GNS: variants seen among roughly 807,000 people sequenced by gnomAD.
GNS encodes glucosamine (N-acetyl)-6-sulfatase.
GNS carries 40 observed loss-of-function variants against 69.7 expected under a neutral mutation model. The ratio of observed to expected loss-of-function variants is 0.57; its 90% CI spans 0.45 to 0.75. GNS has a LOEUF of 0.75. GNS is among the 30% of genes least tolerant of loss of function. The pLI, the probability that GNS is intolerant of heterozygous loss-of-function variation, is 0.00. For synonymous variants in GNS, 243 were observed against 251.6 expected, an observed-to-expected ratio of 0.97 and a Z score of 0.32; for missense variants, 565 against 685.5, an observed-to-expected ratio of 0.82 and a Z score of 1.96.
intron 10 of GNS, among the ~76,000 whole-genome samples, chr12:64,727,457 C>A (rs1391955361): frequency 1.3e-5 from 2 of 151,878 alleles, no homozygotes; most frequent in Non-Finnish European, 2.9e-5. Context: ...AAAACCATTA[C>A]AACTGCATTA....
chr12:64,739,563 C>T, intron 7 of GNS, 64 bp from the exon 8 acceptor site: 2 of 378,992 alleles, frequency 5.3e-6, no homozygotes, highest in East Asian at 4.2e-5. Context: ...CACTATCTTG[C>T]CAAAAAAAAA....
At chr12:64,724,903 A>G (rs778515500) in intron 10 of GNS, among the ~76,000 whole-genome samples, 71 of 152,272 alleles carry the variant, frequency 4.7e-4, no homozygotes, top group South Asian at 1.5e-3. Context: ...GCCAAACCTG[A>G]GCCATGGAAG....
rs370135858 is a variant in GNS at position 64,743,330 on chromosome 12, C to T, written c.625-22G>A. On this transcript the variant is annotated intron_variant, in intron 5 of 13. Coordinates refer to ENST00000258145, the MANE Select transcript of GNS (RefSeq NM_002076.4). ...TAGCCTGACACATAAAAAGATTTGT[C>T]ATCTCCTACCTTACCCAACAGATGA... The T allele has an allele frequency of 2.8e-4, 433 of 1,566,588 alleles. No individual in the cohort carries two copies. The highest frequency in any genetic ancestry group is 3.7e-4 in the Non-Finnish European group (423 of 1,137,266).
At chr12:64,751,958 A>G (rs1870092143) in intron 2 of GNS, among the ~76,000 whole-genome samples, 1 of 151,832 alleles carries the variant, frequency 6.6e-6, no homozygotes, top group Admixed American at 6.6e-5. Flanking sequence ...ACTCAAAAAA[A>G]AAAAAAAAAA....
intron 8 of GNS, among the ~76,000 whole-genome samples, chr12:64,737,318 G>C (rs1399160643): frequency 6.6e-6 from 1 of 152,182 alleles, no homozygotes; most frequent in East Asian, 1.9e-4. Flanking sequence ...GACTAGAAGG[G>C]ACTCCCTGGC....
At position 64,743,208 on chromosome 12, in the gene GNS, G is replaced by A; in HGVS notation, c.725C>T (p.Pro242Leu). The A allele has an allele frequency of 1.9e-6, 3 of 1,612,914 alleles. No individual in the cohort carries two copies. The highest frequency in any genetic ancestry group is 2.5e-6 in the Non-Finnish European group (3 of 1,178,922). ...PAPHSPWTAA[P>L]QYQKAFQNVF... The stretch of plus-strand genomic sequence containing the variant: ...ATTCTGGAAAGCCTTCTGGTACTGA[G>A]GTGCAGCTGTCCAAGGCGAATGAGG... Residue 242 changes from proline (P) to leucine (L), a missense_variant, in exon 6 of 14, where the codon CCT becomes CTT. By Grantham distance (98) the Pro-to-Leu change is moderately conservative. Coordinates refer to ENST00000258145, the MANE Select transcript of GNS (RefSeq NM_002076.4).
intron 1 of GNS, among the ~76,000 whole-genome samples, chr12:64,753,385 C>G (rs1870142662): frequency 6.6e-6 from 1 of 152,186 alleles, no homozygotes; most frequent in Non-Finnish European, 1.5e-5. Flanking sequence ...TGTTCAAAAT[C>G]TAAGATCCTT....
intron 12 of GNS, 112 bp downstream of exon 12, chr12:64,721,483 A>G: frequency 2.7e-6 from 2 of 744,060 alleles, no homozygotes; most frequent in Admixed American, 3.7e-5. Context: ...GATAAGAAAC[A>G]CAACCTCTTC....
chr12:64,721,261 C>T (rs950230939), intron 12 of GNS, among the ~76,000 whole-genome samples: 1 of 152,236 alleles, frequency 6.6e-6, no homozygotes, highest in Non-Finnish European at 1.5e-5. Context: ...TTTCCGAATA[C>T]ACCAGGTGCT....
rs1055529593 is a variant in GNS, at chr12:64,745,273, G to GCCA, written c.526-367_526-366insTGG. Among the ~76,000 whole-genome samples, 4 of 134,270 alleles carry GCCA rather than the reference G, an allele frequency of 3.0e-5. No homozygotes were observed. In the Admixed American group the frequency reaches 3.5e-4, roughly 12 times the overall value. The allele number at this position is 134,270 out of a possible 152,430, so 88.1% of individuals were successfully genotyped here. On this transcript the variant is annotated intron_variant, in intron 4 of 13. Coordinates refer to ENST00000258145, the MANE Select transcript of GNS (RefSeq NM_002076.4). ...CTCTCTTTGTTGCCCAGACTGGAAT[G>GCCA]CAGTGGCACAATCACAGCTCACTGC... is the stretch of plus-strand genomic sequence containing the variant.
At chr12:64,733,407 A>C (rs1227310060) in intron 9 of GNS, among the ~76,000 whole-genome samples, 2 of 151,898 alleles carry the variant, frequency 1.3e-5, no homozygotes, top group Non-Finnish European at 2.9e-5. Flanking sequence ...TTGCATAATT[A>C]CTGAAAAGAA....
At chr12:64,718,370 A>G (rs1310444477) in intron 13 of GNS, among the ~76,000 whole-genome samples, 2 of 152,272 alleles carry the variant, frequency 1.3e-5, no homozygotes, top group African/African-American at 2.4e-5. Flanking sequence ...AGCTTCTAAA[A>G]TGTGAGGAAG....
rs768052687 is a variant in GNS at position 64,728,948 on chromosome 12, A to C, written c.1200+8T>G. On this transcript the variant is annotated splice_region_variant and intron_variant, in intron 10 of 13. Coordinates refer to ENST00000258145, the MANE Select transcript of GNS (RefSeq NM_002076.4). ...TGGCTCAGGCCTGATTGAGGGCGCT[A>C]TACTTACCAAAATGGGCAATAAGGA... 2 of 1,357,706 alleles carry C rather than the reference A, an allele frequency of 1.5e-6. No homozygotes were observed. The highest frequency in any genetic ancestry group is 1.1e-6 in the Non-Finnish European group (1 of 945,810). The allele number at this position is 1,357,706 out of a possible 1,614,324, so 84.1% of individuals were successfully genotyped here.
In GNS at chr12:64,759,175, G is replaced by C. The variant is rs923310894; in HGVS notation, c.102C>G (p.Cys34Trp). 6.4e-7 allele frequency: 1 copy of C among 1,551,744 alleles called. No individual in the cohort carries two copies. The highest frequency in any genetic ancestry group is 1.4e-5 in the African/African-American group (1 of 73,232). Residue 34 changes from cysteine to tryptophan, a missense_variant, in exon 1 of 14, where the codon TGC becomes TGG. Cys to Trp is a radical substitution (Grantham distance 215, BLOSUM62 -2). Coordinates refer to ENST00000258145, the MANE Select transcript of GNS (RefSeq NM_002076.4). ...PALLLLVLGG[C>W]LGVFGVAAGT... Reference sequence around the variant, plus strand: ...CCGCAGCCACCCCGAAGACCCCCAGGCAGCCGCCCAGCACCAGCAGTAGCA... The same window carrying C: ...CCGCAGCCACCCCGAAGACCCCCAGCCAGCCGCCCAGCACCAGCAGTAGCA...
intron 5 of GNS, among the ~76,000 whole-genome samples, chr12:64,744,022 T>C (rs1261819589): frequency 6.6e-6 from 1 of 152,204 alleles, no homozygotes; most frequent in Non-Finnish European, 1.5e-5. Context: ...TTCTCAAATA[T>C]GCCAGGTATA....
At chr12:64,754,202 TG>T (rs1189180313) in intron 1 of GNS, among the ~76,000 whole-genome samples, 1 of 152,248 alleles carries the variant, frequency 6.6e-6, no homozygotes, top group East Asian at 1.9e-4. Flanking sequence ...TCATGATCTC[TG>T]CACTCTTGGG....
chr12:64,717,518 ATTTTTT>A (rs57088346), intron 13 of GNS, among the ~76,000 whole-genome samples: 2 of 131,412 alleles, frequency 1.5e-5, no homozygotes, highest in Admixed American at 7.8e-5. Flanking sequence ...CACCTGGCTA[ATTTTTT>A]TTTTTTTTTT....
chr12:64,758,281 C>T (rs962863339), intron 1 of GNS, among the ~76,000 whole-genome samples: 9 of 146,292 alleles, frequency 6.2e-5, no homozygotes, highest in Non-Finnish European at 7.5e-5. Flanking sequence ...GTTCGACGGT[C>T]GGCCTACCAG....
chr12:64,733,415 G>T (rs1360923761), intron 9 of GNS, among the ~76,000 whole-genome samples: 9 of 147,580 alleles, frequency 6.1e-5, no homozygotes, highest in African/African-American at 2.3e-4. Flanking sequence ...TTACTGAAAA[G>T]AACAAGATGG....
Sources: allele counts gnomAD v4.1 joint callset (sites outside exome capture counted in the v4.1 genomes callset), GRCh38; gene constraint gnomAD v4.1.1; transcripts MANE v1.5; gene names NCBI Gene and HGNC (gene_info 2026-07-23, HGNC 2026-07-21).